KLHL24: variants seen among roughly 807,000 people sequenced by gnomAD.
KLHL24 encodes kelch like family member 24, also known as kelch-like protein 24.
KLHL24 carries 29 observed loss-of-function variants against 53.4 expected under a neutral mutation model. That is an observed-to-expected ratio of 0.54 (90% confidence interval 0.40 to 0.74). KLHL24 has a LOEUF of 0.74. Ranked by LOEUF, KLHL24 falls within the 30% of genes least tolerant of loss-of-function variation. KLHL24 has a pLI of 0.00. For synonymous variants in KLHL24, 222 were observed against 253.7 expected (o/e 0.88, Z 1.19); for missense variants, 504 against 744.0 (o/e 0.68, Z 3.75).
At chr3:183,654,454 T>A (rs1718572293) in intron 3 of KLHL24, among the ~76,000 whole-genome samples, 1 of 152,062 alleles carries the variant, frequency 6.6e-6, no homozygotes, top group South Asian at 2.1e-4. Context: ...TATTTCTTTT[T>A]CAAATTTTAT....
intron 2 of KLHL24, among the ~76,000 whole-genome samples, chr3:183,649,747 A>T (rs1175449063): frequency 6.6e-6 from 1 of 151,410 alleles, no homozygotes; most frequent in Non-Finnish European, 1.5e-5. Flanking sequence ...AAAAAAAAAA[A>T]TAGCCAGGCA....
intron 2 of KLHL24, among the ~76,000 whole-genome samples, chr3:183,647,913 C>T (rs571912515): frequency 2.6e-5 from 4 of 151,800 alleles, no homozygotes; most frequent in African/African-American, 9.7e-5. Context: ...GGCTGAGGCA[C>T]GAAAATCGCT....
At position 183,650,021 on chromosome 3, in the gene KLHL24, A is replaced by G. The variant is rs1403763676; in HGVS notation, c.-61-275A>G. Among the ~76,000 whole-genome samples the G allele has an allele frequency of 1.3e-5, 2 of 152,198 alleles. No homozygotes were observed. The highest frequency in any genetic ancestry group is 4.8e-5 in the African/African-American group (2 of 41,456). On this transcript the variant is annotated intron_variant, in intron 2 of 7. Coordinates refer to ENST00000242810, the MANE Select transcript of KLHL24 (RefSeq NM_017644.3). This position sits in a 1 kb window ranked among gnomAD's most constrained non-coding sequence, Gnocchi z 4.5. The stretch of plus-strand genomic sequence containing the variant: ...ATGAAACTCAGCTCTGTAAATGGGG[A>G]GGAAACGGAAGGTTATTAGTAACTC...
At chr3:183,666,773 A>G (rs915239130) in intron 5 of KLHL24, among the ~76,000 whole-genome samples, 3 of 152,192 alleles carry the variant, frequency 2.0e-5, no homozygotes, top group African/African-American at 7.2e-5. Flanking sequence ...TTAAAAAGTC[A>G]TATCTAATAC....
At chr3:183,674,179 C>CA (rs1451961657) in intron 7 of KLHL24, among the ~76,000 whole-genome samples, 1 of 152,058 alleles carries the variant, frequency 6.6e-6, no homozygotes, top group Non-Finnish European at 1.5e-5. Context: ...CCTAAACAAA[C>CA]AAAAATACTC....
rs530420404 is a variant in KLHL24, at chr3:183,672,514, A to G, written c.1602+30A>G. ...TAACATAAAGCAGTACAAAAGAAAA[A>G]TAAATCTAAGAGGGACCAAGTACAT... On this transcript the variant is annotated intron_variant, in intron 7 of 7. Coordinates refer to ENST00000242810, the MANE Select transcript of KLHL24 (RefSeq NM_017644.3). 35 of 1,490,168 alleles carry G rather than the reference A, an allele frequency of 2.3e-5. No homozygotes were observed. In the African/African-American group the frequency reaches 4.8e-4, roughly 20 times the overall value. The allele number at this position is 1,490,168 out of a possible 1,614,324, so 92.3% of individuals were successfully genotyped here.
intron 3 of KLHL24, among the ~76,000 whole-genome samples, chr3:183,653,405 C>T (rs1292933498): frequency 6.6e-6 from 1 of 152,164 alleles, no homozygotes; most frequent in Non-Finnish European, 1.5e-5. Context: ...TGGCCACCAA[C>T]TTAGTGGATT....
intron 2 of KLHL24, among the ~76,000 whole-genome samples, chr3:183,644,704 T>C (rs1289348416): frequency 6.6e-6 from 1 of 152,224 alleles, no homozygotes; most frequent in Non-Finnish European, 1.5e-5. Context: ...AGACCCTTAA[T>C]TGATACAAAG....
chr3:183,675,179 A>G (rs943994020), intron 7 of KLHL24, among the ~76,000 whole-genome samples: 1 of 152,226 alleles, frequency 6.6e-6, no homozygotes, highest in South Asian at 2.1e-4. Context: ...CAAATGAGGA[A>G]GTACCAGAGG....
chr3:183,649,346 T>C (rs779014988), intron 2 of KLHL24, among the ~76,000 whole-genome samples: 3 of 152,226 alleles, frequency 2.0e-5, no homozygotes, highest in Non-Finnish European at 4.4e-5. Context: ...AATAGTCATA[T>C]ATAATTTTTA....
chr3:183,648,918 C>T (rs1019023731), intron 2 of KLHL24, among the ~76,000 whole-genome samples: 18 of 151,792 alleles, frequency 1.2e-4, no homozygotes, highest in African/African-American at 4.4e-4. Context: ...TAGCAGAATC[C>T]CTTGAACCTA....
Position 183,663,455 on chromosome 3 carries a change from T to G in KLHL24, c.921-3T>G. The G allele has an allele frequency of 2.1e-6, 3 of 1,420,262 alleles. No individual in the cohort carries two copies. The highest frequency in any genetic ancestry group is 2.8e-6 in the Non-Finnish European group (3 of 1,062,284). 88.0% of individuals were successfully genotyped at this position (1,420,262 alleles called of 1,614,324 possible). Reference sequence around the variant, plus strand: ...TTATGTACGCTAATAATTATTATTTTAGGTCCACTGGCTATTCTGAGGTGA... The same window carrying G: ...TTATGTACGCTAATAATTATTATTTGAGGTCCACTGGCTATTCTGAGGTGA... On this transcript the variant is annotated splice_polypyrimidine_tract_variant and splice_region_variant and intron_variant, in intron 3 of 7. Transcript: ENST00000242810. The surrounding 1 kb of genome is among the most constrained non-coding windows in gnomAD (Gnocchi z 4.9).
At chr3:183,651,722 A>C (rs1718149491) in intron 3 of KLHL24, among the ~76,000 whole-genome samples, 1 of 152,210 alleles carries the variant, frequency 6.6e-6, no homozygotes, top group Non-Finnish European at 1.5e-5. Flanking sequence ...TGGGAGGCCA[A>C]GGTGGAGGAG....
At chr3:183,659,049 T>G (rs1198722261) in intron 3 of KLHL24, among the ~76,000 whole-genome samples, 2 of 152,090 alleles carry the variant, frequency 1.3e-5, no homozygotes, top group African/African-American at 4.8e-5. Flanking sequence ...CAAGTGATCC[T>G]CCCACCTTGG....
At chr3:183,678,427 C>A (rs1305508712) in intron 7 of KLHL24, among the ~76,000 whole-genome samples, 1 of 152,158 alleles carries the variant, frequency 6.6e-6, no homozygotes, top group Non-Finnish European at 1.5e-5. Flanking sequence ...TTTAAAGATG[C>A]TTTTGCTTAA....
At chr3:183,649,094 G>A (rs1328039178) in intron 2 of KLHL24, among the ~76,000 whole-genome samples, 1 of 152,168 alleles carries the variant, frequency 6.6e-6, no homozygotes, top group Non-Finnish European at 1.5e-5. Context: ...TTCTGAGGGG[G>A]TTTTGGGATG....
At position 183,680,144 on chromosome 3, in the gene KLHL24, A is replaced by C. The variant is rs543225373; in HGVS notation, c.*858A>C. 7.9e-5 allele frequency: 12 copies of C among 152,336 alleles called. No homozygotes were observed. Among genetic ancestry groups the C allele is most frequent in the Non-Finnish European group, 1.3e-4 (9 of 68,046 alleles). The allele number at this position is 152,336 out of a possible 1,614,324, so 9.4% of individuals were successfully genotyped here. On this transcript the variant is annotated 3_prime_UTR_variant, in exon 8 of 8. Coordinates refer to ENST00000242810, the MANE Select transcript of KLHL24 (RefSeq NM_017644.3). ...ATTGTTTTGTGAAAAACAGGGACAG[A>C]CAGCCAGGTACAGAGACTCACACCT... is the stretch of plus-strand genomic sequence containing the variant.
At position 183,650,403 on chromosome 3, in the gene KLHL24, T is replaced by C. The variant is rs201912176; in HGVS notation, c.47T>C (p.Val16Ala). 1.8e-5 allele frequency: 29 copies of C among 1,613,980 alleles called. No individual in the cohort carries two copies. The highest frequency in any genetic ancestry group is 1.6e-4 in the Middle Eastern group (1 of 6,084). Residue 16 changes from valine to alanine, a missense_variant, in exon 3 of 8, where the codon GTG becomes GCG. Val to Ala is a moderately conservative substitution (Grantham distance 64). Coordinates refer to ENST00000242810, the MANE Select transcript of KLHL24 (RefSeq NM_017644.3). The surrounding 1 kb of genome is among the most constrained non-coding windows in gnomAD (Gnocchi z 4.5). ...GRRLNREDLG[V>A]RDSPATKRKV... ...AGACTAAACAGAGAGGATCTTGGGG[T>C]GCGTGATTCCCCAGCAACTAAGCGA...
chr3:183,675,944 TTAA>T (rs1478162103), intron 7 of KLHL24, among the ~76,000 whole-genome samples: 3 of 152,012 alleles, frequency 2.0e-5, no homozygotes, highest in Admixed American at 6.5e-5. Flanking sequence ...GAGAAAAAAA[TTAA>T]TAATAGGACA....
Sources: allele counts gnomAD v4.1 joint callset (sites outside exome capture counted in the v4.1 genomes callset), GRCh38; gene constraint gnomAD v4.1.1; non-coding constraint Gnocchi (gnomAD v3.1); transcripts MANE v1.5; gene names NCBI Gene and HGNC (gene_info 2026-07-23, HGNC 2026-07-21).